Variants in CPT1C observed in about 807,000 individuals in gnomAD.
CPT1C encodes the protein palmitoyl thioesterase CPT1C.
A neutral mutation model predicts 97.3 loss-of-function variants in CPT1C; 61 were observed. The ratio of observed to expected loss-of-function variants is 0.63; its 90% CI spans 0.51 to 0.78. CPT1C has a LOEUF of 0.78. Ranked by LOEUF, CPT1C falls within the 30% of genes least tolerant of loss-of-function variation. The probability of loss-of-function intolerance (pLI) is 0.00; values close to 1 mark genes in which losing one functional copy is unlikely to be tolerated. For synonymous variants in CPT1C, 469 were observed against 447.2 expected, an observed-to-expected ratio of 1.05 and a Z score of -0.61; for missense variants, 975 against 1,065.5, an observed-to-expected ratio of 0.92 and a Z score of 1.18.
rs1300820146 is a variant in CPT1C, at chr19:49,700,583, C to G, written c.282-101C>G. 4.5e-6 allele frequency: 6 copies of G among 1,336,298 alleles called. No homozygotes were observed. The African/African-American group carries it at 8.7e-5, about 19-fold the overall frequency. 82.8% of individuals were successfully genotyped at this position (1,336,298 alleles called of 1,614,324 possible). ...AAATGACAAAAATGGGTTTCTCTGT[C>G]TGACAGCCAAAAGATCAGCGCAGGG... is the stretch of plus-strand genomic sequence containing the variant. On this transcript the variant is annotated intron_variant, in intron 4 of 19. Transcript: ENST00000598293.
In CPT1C at chr19:49,712,179, C is replaced by T. The variant is rs2083927834; in HGVS notation, c.2019+218C>T. 1.1e-5 allele frequency: 6 copies of T among 545,274 alleles called. No homozygotes were observed. The South Asian group carries it at 1.3e-4, about 12-fold the overall frequency. 33.8% of individuals were successfully genotyped at this position (545,274 alleles called of 1,614,324 possible). On this transcript the variant is annotated intron_variant, in intron 17 of 19. Coordinates refer to ENST00000598293, the MANE Select transcript of CPT1C (RefSeq NM_001199753.2). ...CCAACTTGGCGAAACCCTGTCTCTA[C>T]TAAAAATACAAAAATTAGCTGGGTA...
At chr19:49,708,887 CCTTGA>C (rs771238496) in intron 14 of CPT1C, 48 bp downstream of exon 14, 1 of 1,245,192 alleles carries the variant, frequency 8.0e-7, no homozygotes. Context: ...AGATTCCTAG[CCTTGA>C]CTTCAAACTC....
chr19:49,696,838 G>C (rs1349229852), intron 3 of CPT1C, among the ~76,000 whole-genome samples: 1 of 151,716 alleles, frequency 6.6e-6, no homozygotes, highest in Admixed American at 6.6e-5. Flanking sequence ...CACCATGTTG[G>C]CCAGGCCAGT....
rs1411998879 is a variant in CPT1C, at chr19:49,708,805, A to G, written c.1532A>G (p.Gln511Arg). 6.2e-7 allele frequency: 1 copy of G among 1,613,672 alleles called. No individual in the cohort carries two copies. Among genetic ancestry groups the G allele is most frequent in the Non-Finnish European group, 8.5e-7 (1 of 1,179,816 alleles). Residue 511 changes from glutamine (Q) to arginine (R), a missense_variant, in exon 14 of 20, where the codon CAG becomes CGG. Transcript: ENST00000598293. ...GGGCACCCGGACCCCACACTACCCC[A>G]GCCCCAGCGGCTGCAATGGGACCTT... ...CKGHPDPTLP[Q>R]PQRLQWDLPD...
chr19:49,706,536 G>T lies in CPT1C; in HGVS notation c.1343+123G>T. On this transcript the variant is annotated intron_variant, in intron 12 of 19. Coordinates refer to ENST00000598293, the MANE Select transcript of CPT1C (RefSeq NM_001199753.2). The surrounding 1 kb of genome is among the most constrained non-coding windows in gnomAD (Gnocchi z 4.8). ...ACACCTGCAGAGTCTGTAGACCAGG[G>T]GCTGCATAGAGCTGAGGACCCCAGA... The T allele has an allele frequency of 2.3e-6, 2 of 870,970 alleles. No individual in the cohort carries two copies. The highest frequency in any genetic ancestry group is 3.1e-6 in the Non-Finnish European group (2 of 636,090). The allele number at this position is 870,970 out of a possible 1,614,324, so 54.0% of individuals were successfully genotyped here. A position where few individuals can be genotyped will look rare whatever the true frequency, so the allele number is the denominator to read the frequency against.
chr19:49,712,569 T>G, intron 17 of CPT1C, 167 bp from the exon 18 acceptor site: 1 of 604,272 alleles, frequency 1.7e-6, no homozygotes, highest in Non-Finnish European at 3.0e-6. Context: ...GTGAGACGAG[T>G]GAGGGGCGTG....
rs770026916 is a variant in CPT1C, at chr19:49,713,712, A to T, written c.*107A>T. The T allele has an allele frequency of 3.8e-6, 4 of 1,054,494 alleles. No homozygotes were observed. 65.3% of individuals were successfully genotyped at this position (1,054,494 alleles called of 1,614,324 possible). Reference sequence around the variant, plus strand: ...GTTTGGCAACCCCACATCCAGGCCAATAAAGATGTGTGAGCTGGGTGTGTG... The same window carrying T: ...GTTTGGCAACCCCACATCCAGGCCATTAAAGATGTGTGAGCTGGGTGTGTG... On this transcript the variant is annotated 3_prime_UTR_variant, in exon 20 of 20. Transcript: ENST00000598293.
Position 49,713,033 on chromosome 19 carries a change from A to G in CPT1C, c.2195A>G (p.His732Arg). Residue 732 changes from histidine (H) to arginine (R), a missense_variant, in exon 19 of 20, where the codon CAC becomes CGC. His to Arg is a conservative substitution (Grantham distance 29). Coordinates refer to ENST00000598293, the MANE Select transcript of CPT1C (RefSeq NM_001199753.2). Reference sequence around the variant, plus strand: ...ATGGGGGATGGCATGATCACCTTCCACATCTCCAGCAAAAAATCAAGCACA... The same window carrying G: ...ATGGGGGATGGCATGATCACCTTCCGCATCTCCAGCAAAAAATCAAGCACA... ...IFMGDGMITF[H>R]ISSKKSSTKT... 6.2e-7 allele frequency: 1 copy of G among 1,614,016 alleles called. No individual in the cohort carries two copies. Among genetic ancestry groups the G allele is most frequent in the Non-Finnish European group, 8.5e-7 (1 of 1,179,952 alleles).
intron 3 of CPT1C, chr19:49,696,636 CTT>C (rs113941003): frequency 3.7e-4 from 50 of 136,768 alleles, no homozygotes; most frequent in African/African-American, 5.8e-4. Flanking sequence ...TTTTTTCTTT[CTT>C]TTTTTTTTTT....
intron 4 of CPT1C, chr19:49,698,073 G>T (rs780272621): frequency 1.4e-5 from 2 of 143,486 alleles, no homozygotes; most frequent in African/African-American, 5.2e-5. Flanking sequence ...AAAAAAAAAG[G>T]TGTGAGCTTT....
rs764174539 is a variant in CPT1C, at chr19:49,701,491, C to G, written c.556-6C>G. 14 of 1,604,236 alleles carry G rather than the reference C, an allele frequency of 8.7e-6. No homozygotes were observed. The highest frequency in any genetic ancestry group is 2.2e-5 in the East Asian group (1 of 44,510). ...GGGGCGTGACCTGCCCTCTTCTCCC[C>G]TTTAGTACCTGGAGTCGGTCCGGCC... On this transcript the variant is annotated splice_polypyrimidine_tract_variant and splice_region_variant and intron_variant, in intron 6 of 19. Transcript: ENST00000598293.
Position 49,700,699 on chromosome 19 carries a change from C to T in CPT1C, c.297C>T (p.His99=), listed in dbSNP as rs137868614. ...ELLPDWGGQH[H]GLRGVLAAAL... ...CTCCCCGCAGGGGTGGACAACACCA[C>T]GGGCTCCGGGGGGTCCTGGCAGCCG... Residue 99 remains histidine, a synonymous_variant, in exon 5 of 20, where the codon CAC becomes CAT. Coordinates refer to ENST00000598293, the MANE Select transcript of CPT1C (RefSeq NM_001199753.2). 10 of 1,609,358 alleles carry T rather than the reference C, an allele frequency of 6.2e-6. No individual in the cohort carries two copies. Among genetic ancestry groups the T allele is most frequent in the African/African-American group, 1.3e-5 (1 of 74,946 alleles).
intron 10 of CPT1C, 85 bp downstream of exon 10, chr19:49,705,383 T>C: frequency 8.9e-7 from 1 of 1,123,390 alleles, no homozygotes; most frequent in Non-Finnish European, 1.3e-6. Context: ...CTGACTGAGC[T>C]GGGAACCATT....
At chr19:49,700,209 A>ATTT (rs2082925419) in intron 4 of CPT1C, among the ~76,000 whole-genome samples, 1 of 147,424 alleles carries the variant, frequency 6.8e-6, no homozygotes, top group Non-Finnish European at 1.5e-5. Flanking sequence ...ATAGCACCAC[A>ATTT]GCACTCCAGC....
intron 12 of CPT1C, 111 bp from the exon 13 acceptor site, chr19:49,707,407 A>T: frequency 1.3e-6 from 1 of 760,558 alleles, no homozygotes; most frequent in South Asian, 1.5e-5. Context: ...CCAGCACCCC[A>T]ATGGATTCCC....
rs1262196198 is a variant in CPT1C, at chr19:49,706,361, G to T, written c.1291G>T (p.Ala431Ser). 6.6e-7 allele frequency: 1 copy of T among 1,511,050 alleles called. No homozygotes were observed. The allele number at this position is 1,511,050 out of a possible 1,614,324, so 93.6% of individuals were successfully genotyped here. A position where few individuals can be genotyped will look rare whatever the true frequency, so the allele number is the denominator to read the frequency against. The stretch of plus-strand genomic sequence containing the variant: ...GGGGCTCACCAGGGAGGACCCGGCA[G>T]CGTCGTTGGATGCCTACGCCCATGC... ...PAGLTREDPA[A>S]SLDAYAHALL... Residue 431 changes from alanine to serine, a missense_variant, in exon 12 of 20, where the codon GCG becomes TCG. Around this residue, in one of 3 missense-constraint regions of CPT1C, gnomAD observed 596 missense variants for 603.1 expected, o/e 0.99. Transcript: ENST00000598293. This position sits in a 1 kb window ranked among gnomAD's most constrained non-coding sequence, Gnocchi z 4.8.
At chr19:49,700,605 AG>A in intron 4 of CPT1C, 78 bp from the exon 5 acceptor site, 2 of 1,493,014 alleles carry the variant, frequency 1.3e-6, no homozygotes, top group Non-Finnish European at 1.8e-6. Flanking sequence ...AGATCAGCGC[AG>A]GGGCTGGAGG....
Position 49,700,264 on chromosome 19 carries a change from A to AAC in CPT1C, c.282-419_282-418insCA, listed in dbSNP as rs1045985950. Among the ~76,000 whole-genome samples the AAC allele has an allele frequency of 5.7e-5, 6 of 105,876 alleles. No homozygotes were observed. In the East Asian group the frequency reaches 1.2e-3, roughly 21 times the overall value. 69.5% of individuals were successfully genotyped at this position (105,876 alleles called of 152,430 possible). The stretch of plus-strand genomic sequence containing the variant: ...TCCATCCCAAAAACAAAACAAAACA[A>AAC]AAAAAAAAACGCTGATTGCTGGACC... On this transcript the variant is annotated intron_variant, in intron 4 of 19. Coordinates refer to ENST00000598293, the MANE Select transcript of CPT1C (RefSeq NM_001199753.2).
chr19:49,698,578 A>C (rs2082805396), intron 4 of CPT1C, among the ~76,000 whole-genome samples: 1 of 150,824 alleles, frequency 6.6e-6, no homozygotes, highest in Admixed American at 6.6e-5. Flanking sequence ...CAGGATAATC[A>C]CTTGAACCCG....
Sources: gnomAD v4.1 joint callset for allele counts (sites outside exome capture counted in the v4.1 genomes callset) on GRCh38, gnomAD v4.1.1 for gene constraint, gnomAD v4.1.1 regional missense constraint, Gnocchi (gnomAD v3.1) non-coding constraint, MANE v1.5 for transcripts, NCBI Gene and HGNC (gene_info 2026-07-23, HGNC 2026-07-21) for gene names.